The following SMCHD1 variants were observed in gnomAD, a reference collection of about 807,000 sequenced individuals.
SMCHD1 encodes the protein structural maintenance of chromosomes flexible hinge domain-containing protein 1.
A neutral mutation model predicts 254.7 loss-of-function variants in SMCHD1; 78 were observed. The ratio of observed to expected loss-of-function variants is 0.31; its 90% CI spans 0.26 to 0.37. SMCHD1 has a LOEUF of 0.37. Among genes scored for constraint, SMCHD1 ranks in the 10% least tolerant of loss-of-function variants. The pLI is 1.00. For synonymous variants in SMCHD1, 766 were observed against 794.9 expected, an observed-to-expected ratio of 0.96 and a Z score of 0.61; for missense variants, 1,840 against 2,408.1, an observed-to-expected ratio of 0.76 and a Z score of 4.94.
intron 34 of SMCHD1, among the ~76,000 whole-genome samples, chr18:2,760,049 A>G (rs1177995554): frequency 6.6e-6 from 1 of 152,190 alleles, no homozygotes; most frequent in Admixed American, 6.5e-5. Flanking sequence ...GAGAATATGA[A>G]TGACATGCAA....
intron 44 of SMCHD1, among the ~76,000 whole-genome samples, chr18:2,780,302 A>C (rs2143795866): frequency 6.6e-6 from 1 of 151,690 alleles, no homozygotes; most frequent in South Asian, 2.1e-4. Context: ...AGGAAAACTA[A>C]ATTACTGGGA....
rs1282555574 is a variant in SMCHD1, at chr18:2,777,790, A to G, written c.5367-16A>G. 2.9e-6 allele frequency: 4 copies of G among 1,388,988 alleles called. No homozygotes were observed. The Admixed American group carries it at 1.0e-4, about 35-fold the overall frequency. The allele number at this position is 1,388,988 out of a possible 1,614,324, so 86.0% of individuals were successfully genotyped here. On this transcript the variant is annotated splice_polypyrimidine_tract_variant and intron_variant, in intron 42 of 47. Transcript: ENST00000320876. ...TCATGTGCTTTAATATCTTTTTAAA[A>G]TTTCTTTTTATTTAGATCTCTACCT...
intron 25 of SMCHD1, 129 bp from the exon 26 acceptor site, chr18:2,738,268 A>C: frequency 1.3e-6 from 1 of 784,436 alleles, no homozygotes. Flanking sequence ...ACCGTTTCTG[A>C]CCATAAAGAG....
intron 22 of SMCHD1, 148 bp downstream of exon 22, chr18:2,726,672 G>T: frequency 2.8e-6 from 1 of 352,984 alleles, no homozygotes. Flanking sequence ...TGACAGAAAT[G>T]ACCAGTTTTT....
At position 2,703,987 on chromosome 18, in the gene SMCHD1, T is replaced by G. The variant is rs576485984; in HGVS notation, c.1842+101T>G. ...TAGAAAATAAGCTATTTTTAAAAAT[T>G]TCTTTTTTTCCCATTCTCACATTTC... On this transcript the variant is annotated intron_variant, in intron 13 of 47. Transcript: ENST00000320876. The G allele has an allele frequency of 1.2e-4, 123 of 989,196 alleles. No individual in the cohort carries two copies. The African/African-American group carries it at 2.0e-3, about 16-fold the overall frequency. 61.3% of individuals were successfully genotyped at this position (989,196 alleles called of 1,614,324 possible).
At chr18:2,749,775 G>C (rs950105680) in intron 30 of SMCHD1, among the ~76,000 whole-genome samples, 1 of 152,178 alleles carries the variant, frequency 6.6e-6, no homozygotes, top group Non-Finnish European at 1.5e-5. Context: ...TATTGAAACA[G>C]TGAACTAGAA....
chr18:2,747,913 C>T (rs1281857816), intron 30 of SMCHD1, among the ~76,000 whole-genome samples: 19 of 152,030 alleles, frequency 1.2e-4, no homozygotes, highest in Admixed American at 1.2e-3. Context: ...ACTTGCATTT[C>T]AGATTAGGAT....
rs372945746 is a variant in SMCHD1, at chr18:2,707,811, G to A, written c.2151G>A (p.Ala717=). The change falls in exon 17 of 48, where the codon GCG becomes GCA. Residue 717 remains alanine (A), a synonymous_variant. Transcript: ENST00000320876. ...CTTTTAATTTTTGACTCATAGGTGC[G>A]TTAAGAATTGAAATACTGAATAAAA... ...EVRPAGTPIG[A]LRIEILNKKG... 127 of 1,600,722 alleles carry A rather than the reference G, an allele frequency of 7.9e-5. No homozygotes were observed. The African/African-American group carries it at 1.1e-3, about 14-fold the overall frequency.
At chr18:2,705,583 C>T in intron 13 of SMCHD1, 111 bp from the exon 14 acceptor site, 15 of 446,134 alleles carry the variant, frequency 3.4e-5, no homozygotes, top group South Asian at 1.6e-4. Flanking sequence ...TGATAGTTAC[C>T]AAGGTTTTTT....
In SMCHD1 at chr18:2,749,977, G is replaced by A. The variant is rs529691938; in HGVS notation, c.3928-66G>A. The A allele has an allele frequency of 9.6e-6, 13 of 1,351,502 alleles. 1 individual carries two copies. Among genetic ancestry groups the A allele is most frequent in the Middle Eastern group, 1.9e-4 (1 of 5,370 alleles). The allele number at this position is 1,351,502 out of a possible 1,614,324, so 83.7% of individuals were successfully genotyped here. On this transcript the variant is annotated intron_variant, in intron 30 of 47. Coordinates refer to ENST00000320876, the MANE Select transcript of SMCHD1 (RefSeq NM_015295.3). ...AATAGAGGGAAAGAACATTGTAATG[G>A]AAGAAAAGAACTTGATTGATCTCTA... is the stretch of plus-strand genomic sequence containing the variant.
chr18:2,656,598 A>G (rs1007894511), intron 1 of SMCHD1, among the ~76,000 whole-genome samples: 3 of 152,252 alleles, frequency 2.0e-5, no homozygotes, highest in Admixed American at 6.5e-5. Context: ...GTCTAGGGAA[A>G]GCCGTTGGTG....
chr18:2,765,252 T>A (rs1245721643), intron 37 of SMCHD1, among the ~76,000 whole-genome samples: 1 of 152,074 alleles, frequency 6.6e-6, no homozygotes, highest in Admixed American at 6.5e-5. Context: ...CAGTGCTATC[T>A]CTGATATCCT....
chr18:2,656,285 A>G, intron 1 of SMCHD1, 24 bp downstream of exon 1: 1 of 1,463,622 alleles, frequency 6.8e-7, no homozygotes, highest in South Asian at 1.4e-5. Context: ...CGAGGAAGGG[A>G]TGCGCGTGTA....
intron 35 of SMCHD1, among the ~76,000 whole-genome samples, chr18:2,761,302 C>G (rs918117056): frequency 3.9e-5 from 6 of 152,098 alleles, no homozygotes; most frequent in African/African-American, 1.2e-4. Context: ...GAAAAACTAC[C>G]TATTAGGTAC....
chr18:2,719,271 TCTCTCCC>T (rs1040681391), intron 19 of SMCHD1, among the ~76,000 whole-genome samples: 26 of 150,414 alleles, frequency 1.7e-4, no homozygotes, highest in East Asian at 5.8e-4. Context: ...TCCTCTCTCC[TCTCTCCC>T]CTCTCCCCTC....
chr18:2,711,753 A>AG (rs2074679613), intron 17 of SMCHD1, among the ~76,000 whole-genome samples: 1 of 151,982 alleles, frequency 6.6e-6, no homozygotes, highest in Non-Finnish European at 1.5e-5. Context: ...AAGTGCTGGG[A>AG]TTACAGGCGT....
rs188192661 is a variant in SMCHD1, at chr18:2,698,095, T to C, written c.1342+54T>C. On this transcript the variant is annotated intron_variant, in intron 10 of 47. Coordinates refer to ENST00000320876, the MANE Select transcript of SMCHD1 (RefSeq NM_015295.3). The stretch of plus-strand genomic sequence containing the variant: ...AATATGAAGTTGTAATTTAGGACAG[T>C]GATTTGTTTTTCTAAATGATTATCG... 8 of 1,385,354 alleles carry C rather than the reference T, an allele frequency of 5.8e-6. No individual in the cohort carries two copies. In the Admixed American group the frequency reaches 1.6e-4, roughly 28 times the overall value. 85.8% of individuals were successfully genotyped at this position (1,385,354 alleles called of 1,614,324 possible). A position where few individuals can be genotyped will look rare whatever the true frequency, so the allele number is the denominator to read the frequency against.
chr18:2,759,503 T>TTTTTG lies in SMCHD1; in HGVS notation c.4347-1148_4347-1147insTTTGT, dbSNP rs1555649389. ...ATTTTCAAGCAATTTTTTTTTTTTT[T>TTTTTG]TGTACAGCTGTTTTCATCATGAAGG... On this transcript the variant is annotated intron_variant, in intron 34 of 47. Transcript: ENST00000320876. Among the ~76,000 whole-genome samples the TTTTTG allele has an allele frequency of 2.7e-5, 4 of 148,098 alleles. 1 individual carries two copies. The highest frequency in any genetic ancestry group is 1.0e-4 in the African/African-American group (4 of 39,316).
At chr18:2,683,270 T>C (rs556750589) in intron 5 of SMCHD1, among the ~76,000 whole-genome samples, 6 of 152,330 alleles carry the variant, frequency 3.9e-5, no homozygotes, top group African/African-American at 1.4e-4. Flanking sequence ...TAGACTTTGG[T>C]TAATCATAAT....
Sources: gnomAD v4.1 joint callset for allele counts (sites outside exome capture counted in the v4.1 genomes callset) on GRCh38, gnomAD v4.1.1 for gene constraint, MANE v1.5 for transcripts, NCBI Gene and HGNC (gene_info 2026-07-23, HGNC 2026-07-21) for gene names.